Variants in MSH6 observed in about 807,000 individuals in gnomAD.
The protein encoded by MSH6 is DNA mismatch repair protein Msh6.
A neutral mutation model predicts 119.1 loss-of-function variants in MSH6; 85 were observed. That is an observed-to-expected ratio of 0.71 (90% CI 0.60 to 0.85). The LOEUF (loss-of-function observed/expected upper bound fraction) is 0.85. Ranked by LOEUF, MSH6 falls within the 40% of genes least tolerant of loss-of-function variation. MSH6 has a pLI of 0.00. For synonymous variants in MSH6, 830 were observed against 586.9 expected (o/e 1.41, Z -5.99); for missense variants, 2,163 against 1,655.3 (o/e 1.31, Z -5.32).
chr2:47,801,739 A>T (rs1236666989), intron 4 of MSH6, among the ~76,000 whole-genome samples: 1 of 152,142 alleles, frequency 6.6e-6, no homozygotes, highest in Non-Finnish European at 1.5e-5. Flanking sequence ...GTTACCCAGG[A>T]CAGACCTCTC....
chr2:47,807,647 TTC>T (rs1670315365), downstream of MSH6: 5 of 216,248 alleles, frequency 2.3e-5, no homozygotes, highest in East Asian at 3.4e-4. Flanking sequence ...AAAATCATAT[TTC>T]TCAATCTGAA....
Position 47,803,463 on chromosome 2 carries a change from T to G in MSH6, c.3216T>G (p.Gly1072=), listed in dbSNP as rs2104473670. 1.9e-6 allele frequency: 3 copies of G among 1,614,190 alleles called. No individual in the cohort carries two copies. The highest frequency in any genetic ancestry group is 2.5e-6 in the Non-Finnish European group (3 of 1,180,044). ...CLANYSRGGD[G]PMCRPVILLP... ...CTAACTATAGTCGAGGGGGTGATGG[T>G]CCTATGTGTCGCCCAGTAATTCTGT... The change falls in exon 5 of 10, where the codon GGT becomes GGG. Residue 1072 remains glycine, a synonymous_variant. Transcript: ENST00000234420.
chr2:47,805,515 A>T, intron 6 of MSH6, 103 bp from the exon 7 acceptor site: 1 of 837,598 alleles, frequency 1.2e-6, no homozygotes, highest in Non-Finnish European at 2.1e-6. Flanking sequence ...TTAATCTTTT[A>T]TACCAATATG....
At chr2:47,796,175 AT>A in intron 3 of MSH6, 112 bp downstream of exon 3, 1 of 1,092,650 alleles carries the variant, frequency 9.2e-7, no homozygotes. Flanking sequence ...TATATGTATT[AT>A]TTTATTATAC....
In MSH6 at chr2:47,800,745, C is replaced by T. The variant is rs1060502936; in HGVS notation, c.2762C>T (p.Ala921Val). The T allele has an allele frequency of 6.8e-6, 11 of 1,613,996 alleles. No homozygotes were observed. The highest frequency in any genetic ancestry group is 1.3e-5 in the African/African-American group (1 of 74,904). ...GATACAGCCTTTGACCATGAAAAGG[C>T]TCGAAAGACTGGACTTATTACTCCC... ...RWDTAFDHEKARKTGLITPKA... is the reference protein window; with the variant it reads ...RWDTAFDHEKVRKTGLITPKA... The change falls in exon 4 of 10, where the codon GCT becomes GTT. Residue 921 changes from alanine (A) to valine (V), a missense_variant. By Grantham distance (64) the Ala-to-Val change is moderately conservative. Transcript: ENST00000234420.
downstream of MSH6, chr2:47,807,704 C>T (rs1284172682): frequency 3.0e-5 from 7 of 233,474 alleles, no homozygotes; most frequent in Non-Finnish European, 5.1e-5. Flanking sequence ...GAAGTGCTAG[C>T]TCACATTTTT....
intron 2 of MSH6, among the ~76,000 whole-genome samples, chr2:47,794,339 T>G (rs1228041757): frequency 6.6e-6 from 1 of 152,086 alleles, no homozygotes; most frequent in African/African-American, 2.4e-5. Context: ...TGGTGCAGTC[T>G]TGGCTCACTG....
chr2:47,808,503 C>G (rs538163938), downstream of MSH6: 45 of 1,321,498 alleles, frequency 3.4e-5, no homozygotes, highest in East Asian at 1.0e-3. Context: ...TTATATATTA[C>G]TATGACCTTT....
rs61754783 is a variant in MSH6, at chr2:47,799,457, A to T, written c.1474A>T (p.Met492Leu). 2 of 1,614,164 alleles carry T rather than the reference A, an allele frequency of 1.2e-6. No homozygotes were observed. The highest frequency in any genetic ancestry group is 1.7e-6 in the Non-Finnish European group (2 of 1,180,024). ...GGAACAGACTGAGACTCCAGAAATG[A>T]TGGAGGCACGATGTAGAAAGATGGC... ...RVEQTETPEM[M>L]EARCRKMAHI... Residue 492 changes from methionine (M) to leucine (L), a missense_variant, in exon 4 of 10, where the codon ATG becomes TTG. Coordinates refer to ENST00000234420, the MANE Select transcript of MSH6 (RefSeq NM_000179.3).
At position 47,800,080 on chromosome 2, in the gene MSH6, G is replaced by C. The variant is rs1424749498; in HGVS notation, c.2097G>C (p.Glu699Asp). ...FYLKKCLIDQELLSMANFEEY... is the reference protein window; with the variant it reads ...FYLKKCLIDQDLLSMANFEEY... Reference sequence around the variant, plus strand: ...TCAAAAAATGCCTTATTGATCAGGAGCTTTTATCAATGGCTAATTTTGAAG... The same window carrying C: ...TCAAAAAATGCCTTATTGATCAGGACCTTTTATCAATGGCTAATTTTGAAG... The change falls in exon 4 of 10, where the codon GAG becomes GAC. Residue 699 changes from glutamate to aspartate, a missense_variant. Physicochemically the swap from Glu to Asp is conservative, Grantham distance 45 (BLOSUM62 2). Transcript: ENST00000234420. 1 of 1,614,148 alleles carries C rather than the reference G, an allele frequency of 6.2e-7. No homozygotes were observed. Among genetic ancestry groups the C allele is most frequent in the Non-Finnish European group, 8.5e-7 (1 of 1,180,026 alleles).
chr2:47,791,759 A>G (rs1163600860), intron 2 of MSH6, among the ~76,000 whole-genome samples: 1 of 149,448 alleles, frequency 6.7e-6, no homozygotes, highest in Non-Finnish European at 1.5e-5. Context: ...GCCCACTGCA[A>G]CCTCCGTCTC....
Position 47,806,769 on chromosome 2 carries a change from T to TTA in MSH6, c.4002-10_4002-9insTA. The TTA allele has an allele frequency of 1.3e-6, 2 of 1,542,722 alleles. No individual in the cohort carries two copies. Among genetic ancestry groups the TTA allele is most frequent in the Non-Finnish European group, 8.8e-7 (1 of 1,135,708 alleles). On this transcript the variant is annotated splice_polypyrimidine_tract_variant and intron_variant, in intron 9 of 9. Coordinates refer to ENST00000234420, the MANE Select transcript of MSH6 (RefSeq NM_000179.3). ...AAAAAAACTTTTTTTTTTTTTTTTT[T>TTA]AATTTTAAGGGAAGTTTGCCTGGCT...
intron 9 of MSH6, 27 bp from the exon 10 acceptor site, chr2:47,806,752 T>A (rs774215207): frequency 5.0e-5 from 5 of 100,944 alleles, no homozygotes; most frequent in South Asian, 1.8e-4. Flanking sequence ...ACAAAAAAAC[T>A]TTTTTTTTTT....
Position 47,806,309 on chromosome 2 carries a change from C to CATTA in MSH6, c.3753_3756dup (p.Val1253IlefsTer23), listed in dbSNP as rs876661222. The CATTA allele has an allele frequency of 1.9e-6, 3 of 1,614,066 alleles. No individual in the cohort carries two copies. The highest frequency in any genetic ancestry group is 2.5e-6 in the Non-Finnish European group (3 of 1,179,972). ...ACATTATTTTCAACTCACTACCATTCATTAGTAGAAGATTATTCTCAAAAT... is the reference window on the plus strand; with the variant it reads ...ACATTATTTTCAACTCACTACCATTCATTAATTAGTAGAAGATTATTCTCAAAAT... On this transcript the variant is annotated frameshift_variant, in exon 8 of 10. Coordinates refer to ENST00000234420, the MANE Select transcript of MSH6 (RefSeq NM_000179.3). LOFTEE classifies it high-confidence loss of function.
chr2:47,783,673 T>A lies in MSH6; in HGVS notation c.260+180T>A, dbSNP rs566081824. ...GGGTCGAGTCTGGAGCATTTGGGGGTGTAGCTTGTAAACAGGGTCGGAGGA... is the reference window on the plus strand; with the variant it reads ...GGGTCGAGTCTGGAGCATTTGGGGGAGTAGCTTGTAAACAGGGTCGGAGGA... On this transcript the variant is annotated intron_variant, in intron 1 of 9. Coordinates refer to ENST00000234420, the MANE Select transcript of MSH6 (RefSeq NM_000179.3). 211 of 585,098 alleles carry A rather than the reference T, an allele frequency of 3.6e-4. No homozygotes were observed. In the African/African-American group the frequency reaches 3.8e-3, roughly 10 times the overall value. The allele number at this position is 585,098 out of a possible 1,614,324, so 36.2% of individuals were successfully genotyped here.
intron 1 of MSH6, chr2:47,783,969 G>C (rs1021529682): frequency 1.9e-6 from 2 of 1,038,306 alleles, no homozygotes; most frequent in Non-Finnish European, 2.3e-6. Context: ...CCGGTGGTGT[G>C]GGGTGCGAAA....
intron 2 of MSH6, among the ~76,000 whole-genome samples, chr2:47,792,353 A>C (rs146805803): frequency 8.9e-4 from 136 of 152,276 alleles, no homozygotes; most frequent in African/African-American, 3.2e-3. Context: ...CTCTTTCGTC[A>C]TAGTGCTCAT....
chr2:47,801,745 C>G (rs1048899920), intron 4 of MSH6, among the ~76,000 whole-genome samples: 2 of 152,126 alleles, frequency 1.3e-5, no homozygotes, highest in East Asian at 3.9e-4. Context: ...CAGGACAGAC[C>G]TCTCGTGTCA....
chr2:47,785,055 C>CTCT (rs1042476521), intron 1 of MSH6: 2 of 151,988 alleles, frequency 1.3e-5, no homozygotes, highest in Admixed American at 1.3e-4. Context: ...AACTCCTGAC[C>CTCT]TCTTGATCGG....
Sources: allele counts gnomAD v4.1 joint callset (sites outside exome capture counted in the v4.1 genomes callset), GRCh38; gene constraint gnomAD v4.1.1; transcripts MANE v1.5; gene names NCBI Gene and HGNC (gene_info 2026-07-23, HGNC 2026-07-21).